Variants in RHBDD1 observed in about 807,000 individuals in gnomAD.
RHBDD1 encodes rhomboid-related protein 4.
In RHBDD1, 38 loss-of-function variants were observed where a neutral mutation model predicts 36.3. That is an observed-to-expected ratio of 1.05 (90% CI 0.81 to 1.37). RHBDD1 has a LOEUF of 1.37. RHBDD1 is among the 40% of genes most tolerant of loss of function. RHBDD1 has a pLI of 0.00. For missense variants in RHBDD1, 393 were observed against 377.6 expected (o/e 1.04, Z -0.34); for synonymous variants, 151 against 136.5 (o/e 1.11, Z -0.74).
intron 8 of RHBDD1, among the ~76,000 whole-genome samples, chr2:226,971,025 A>G (rs1484671017): frequency 1.3e-5 from 2 of 152,194 alleles, no homozygotes; most frequent in African/African-American, 4.8e-5. Context: ...AATAGTTGAG[A>G]TGGTACATTT....
At chr2:226,833,355 A>C (rs965482367), upstream of RHBDD1, among the ~76,000 whole-genome samples, 6 of 152,246 alleles carry the variant, frequency 3.9e-5, no homozygotes, top group African/African-American at 1.4e-4. Context: ...CTGTCGTTGC[A>C]TGGTATTGTT....
intron 5 of RHBDD1, chr2:226,869,343 A>C (rs1444965282): frequency 4.5e-6 from 1 of 224,468 alleles, no homozygotes; most frequent in African/African-American, 2.3e-5. Flanking sequence ...CATGTATCCA[A>C]ATAAAGACTA....
intron 3 of RHBDD1, among the ~76,000 whole-genome samples, chr2:226,839,865 A>G (rs1229971552): frequency 6.6e-5 from 10 of 152,144 alleles, no homozygotes; most frequent in Non-Finnish European, 1.5e-4. Context: ...ATTTTAACTG[A>G]CTGTTGTTTA....
At chr2:226,867,480 G>T (rs1209642742) in intron 5 of RHBDD1, 162 bp downstream of exon 5, 1 of 786,648 alleles carries the variant, frequency 1.3e-6, no homozygotes, top group Non-Finnish European at 1.5e-6. Context: ...GATATTTCTG[G>T]GTTTGAATCT....
At chr2:226,835,188 G>A (rs1017444588), upstream of RHBDD1, among the ~76,000 whole-genome samples, 19 of 152,226 alleles carry the variant, frequency 1.2e-4, no homozygotes, top group African/African-American at 4.6e-4. Flanking sequence ...GGGGATTACA[G>A]GCGTGAGTTA....
chr2:226,987,745 A>G (rs962137452), intron 8 of RHBDD1, among the ~76,000 whole-genome samples: 9 of 152,290 alleles, frequency 5.9e-5, no homozygotes, highest in Non-Finnish European at 1.0e-4. Context: ...AAGTGAATTC[A>G]TTTGCCACAG....
At chr2:226,802,561 G>A in the RHBDD1 span, among the ~76,000 whole-genome samples, 1 of 152,100 alleles carries the variant, frequency 6.6e-6, no homozygotes, top group Non-Finnish European at 1.5e-5. Context: ...AGCAGGTATG[G>A]GTATTATTCT....
intron 8 of RHBDD1, among the ~76,000 whole-genome samples, chr2:226,994,739 C>T (rs1233661147): frequency 6.6e-6 from 1 of 152,100 alleles, no homozygotes; most frequent in Non-Finnish European, 1.5e-5. Flanking sequence ...ACTCATGATG[C>T]CTGGGAGAAT....
In RHBDD1 at chr2:226,837,125, A is replaced by G. The variant is rs567659907; in HGVS notation, c.-391-948A>G. 2.0e-5 allele frequency among the ~76,000 whole-genome samples: 3 copies of G among 152,370 alleles called. No individual in the cohort carries two copies. The South Asian group carries it at 6.2e-4, about 32-fold the overall frequency. On this transcript the variant is annotated intron_variant, in intron 1 of 8. Coordinates refer to ENST00000392062, the MANE Select transcript of RHBDD1 (RefSeq NM_001167608.3). ...GTGATAACACCCATTGTGGAATCAC[A>G]TATAATGGAATTTGAATTGAAGTAA...
intron 8 of RHBDD1, among the ~76,000 whole-genome samples, chr2:226,931,488 G>A (rs1420445166): frequency 6.6e-6 from 1 of 151,984 alleles, no homozygotes; most frequent in Admixed American, 6.6e-5. Context: ...TTGAGACTCA[G>A]AAGGGGAAAG....
chr2:226,876,004 T>C (rs577542772), intron 5 of RHBDD1, among the ~76,000 whole-genome samples: 1 of 152,338 alleles, frequency 6.6e-6, no homozygotes, highest in South Asian at 2.1e-4. Flanking sequence ...TAGCACCCTT[T>C]TGTTTTAGCA....
chr2:226,989,751 T>C (rs1442198293), intron 8 of RHBDD1, among the ~76,000 whole-genome samples: 5 of 152,238 alleles, frequency 3.3e-5, no homozygotes, highest in Non-Finnish European at 1.5e-5. Flanking sequence ...TTAAGTCATT[T>C]TTGTTCATTA....
chr2:226,873,282 C>G (rs1193706829), intron 5 of RHBDD1, among the ~76,000 whole-genome samples: 1 of 152,158 alleles, frequency 6.6e-6, no homozygotes, highest in East Asian at 1.9e-4. Context: ...GAACCCAAAC[C>G]AAATGTATCC....
chr2:226,865,074 C>G lies in RHBDD1; in HGVS notation c.381C>G (p.Ala127=). The G allele has an allele frequency of 4.3e-6, 7 of 1,614,004 alleles. No individual in the cohort carries two copies. Among genetic ancestry groups the G allele is most frequent in the Non-Finnish European group, 5.9e-6 (7 of 1,180,020 alleles). ...ACCTGCTCTTGCAATTTGCTGTTGC[C>G]GAATTTATGGATGAACCTGACTTCA... ...VVYLLLQFAV[A]EFMDEPDFKR... The change falls in exon 4 of 9, where the codon GCC becomes GCG. Residue 127 remains alanine (A), a synonymous_variant. Transcript: ENST00000392062.
At chr2:226,976,440 T>G (rs944635089) in intron 8 of RHBDD1, among the ~76,000 whole-genome samples, 2 of 151,738 alleles carry the variant, frequency 1.3e-5, no homozygotes, top group Non-Finnish European at 2.9e-5. Flanking sequence ...TTGTTGTAAA[T>G]TATCAAAATG....
intron 8 of RHBDD1, among the ~76,000 whole-genome samples, chr2:226,918,456 C>A (rs1356587169): frequency 6.6e-6 from 1 of 151,964 alleles, no homozygotes; most frequent in East Asian, 1.9e-4. Context: ...TAACCATCTT[C>A]ATTTCTGCTC....
At chr2:226,858,968 A>G (rs577741817) in intron 3 of RHBDD1, among the ~76,000 whole-genome samples, 74 of 152,314 alleles carry the variant, frequency 4.9e-4, no homozygotes, top group African/African-American at 1.6e-3. Context: ...TATTTCTATA[A>G]TGTTGAGATT....
chr2:226,924,106 T>G (rs560250830), intron 8 of RHBDD1, among the ~76,000 whole-genome samples: 77 of 152,268 alleles, frequency 5.1e-4, no homozygotes, highest in African/African-American at 1.8e-3. Context: ...ATATTGGGAA[T>G]GTGCTTGGGT....
At chr2:226,870,118 C>T (rs767124303) in intron 5 of RHBDD1, among the ~76,000 whole-genome samples, 35 of 152,274 alleles carry the variant, frequency 2.3e-4, no homozygotes, top group Middle Eastern at 3.4e-3. Context: ...TAGAGGAGAG[C>T]GGTTGAATGT....
Sources: allele counts gnomAD v4.1 joint callset (sites outside exome capture counted in the v4.1 genomes callset), GRCh38; gene constraint gnomAD v4.1.1; transcripts MANE v1.5; gene names NCBI Gene and HGNC (gene_info 2026-07-23, HGNC 2026-07-21).